CLNK: variants seen among roughly 807,000 people sequenced by gnomAD.
CLNK encodes the protein cytokine dependent hematopoietic cell linker.
A neutral mutation model predicts 68.6 loss-of-function variants in CLNK; 74 were observed. The observed-to-expected ratio is 1.08, with a 90% CI of 0.89 to 1.31. CLNK has a LOEUF of 1.31. Ranked by LOEUF, CLNK falls within the 50% of genes most tolerant of loss-of-function variation. The pLI, the probability that CLNK is intolerant of heterozygous loss-of-function variation, is 0.00. For synonymous variants in CLNK, 198 were observed against 172.2 expected (o/e 1.15, Z -1.17); for missense variants, 553 against 515.3 (o/e 1.07, Z -0.71).
chr4:10,604,326 C>A (rs919326442), intron 2 of CLNK, among the ~76,000 whole-genome samples: 3 of 152,150 alleles, frequency 2.0e-5, no homozygotes, highest in African/African-American at 4.8e-5. Flanking sequence ...AGAACTGTAG[C>A]CAAGTGATCG....
intron 8 of CLNK, among the ~76,000 whole-genome samples, chr4:10,553,754 T>C (rs1300597676): frequency 6.6e-6 from 1 of 152,202 alleles, no homozygotes; most frequent in Non-Finnish European, 1.5e-5. Context: ...GCGCTTGGCC[T>C]TCTCTTTTAT....
chr4:10,679,714 A>C (rs1391036497), intron 1 of CLNK, among the ~76,000 whole-genome samples: 2 of 152,248 alleles, frequency 1.3e-5, no homozygotes, highest in African/African-American at 2.4e-5. Flanking sequence ...AAGGATATGA[A>C]CAGACACTTC....
At chr4:10,498,356 G>A (rs1390109020) in intron 18 of CLNK, among the ~76,000 whole-genome samples, 5 of 152,246 alleles carry the variant, frequency 3.3e-5, no homozygotes, top group Middle Eastern at 6.8e-3. Flanking sequence ...GCCGGGCGTG[G>A]TGGTGGGCGC....
chr4:10,669,709 C>T (rs1724551098), intron 1 of CLNK, among the ~76,000 whole-genome samples: 1 of 152,190 alleles, frequency 6.6e-6, no homozygotes, highest in Admixed American at 6.5e-5. Context: ...GAACCAAGCT[C>T]TATGTCCTCT....
intron 2 of CLNK, among the ~76,000 whole-genome samples, chr4:10,633,471 A>C (rs544755073): frequency 4.3e-4 from 65 of 152,326 alleles, no homozygotes; most frequent in African/African-American, 1.5e-3. Flanking sequence ...CTTCATCTAC[A>C]TTCTCCCATT....
chr4:10,690,144 A>G, the CLNK span, among the ~76,000 whole-genome samples: 1 of 152,148 alleles, frequency 6.6e-6, no homozygotes, highest in Non-Finnish European at 1.5e-5. Flanking sequence ...TCAGTAAATA[A>G]ACACGGTTGG....
At chr4:10,679,987 T>C (rs907422209) in intron 1 of CLNK, among the ~76,000 whole-genome samples, 3 of 152,128 alleles carry the variant, frequency 2.0e-5, no homozygotes, top group Admixed American at 6.5e-5. Flanking sequence ...GAACTAGAAA[T>C]ACCATTTGAC....
At chr4:10,710,080 A>G in the CLNK span, among the ~76,000 whole-genome samples, 3 of 152,208 alleles carry the variant, frequency 2.0e-5, no homozygotes, top group Non-Finnish European at 2.9e-5. Flanking sequence ...TTTGATTGCA[A>G]TATTCAGATG....
chr4:10,706,055 G>A, the CLNK span, among the ~76,000 whole-genome samples: 1 of 152,206 alleles, frequency 6.6e-6, no homozygotes, highest in Non-Finnish European at 1.5e-5. Flanking sequence ...GTGGAGAAGA[G>A]GAACCAGAAA....
At chr4:10,629,466 A>C (rs1722802260) in intron 2 of CLNK, among the ~76,000 whole-genome samples, 1 of 152,184 alleles carries the variant, frequency 6.6e-6, no homozygotes, top group South Asian at 2.1e-4. Context: ...TTCACAGATG[A>C]GGCCCCCTGA....
At chr4:10,501,629 G>T (rs1023321404) in intron 17 of CLNK, among the ~76,000 whole-genome samples, 2 of 152,090 alleles carry the variant, frequency 1.3e-5, no homozygotes, top group Non-Finnish European at 2.9e-5. Context: ...CTCTCTTCTT[G>T]AAAGTCTTTC....
chr4:10,683,760 C>T (rs943862561), intron 1 of CLNK, among the ~76,000 whole-genome samples: 4 of 152,164 alleles, frequency 2.6e-5, no homozygotes, highest in Admixed American at 6.5e-5. Context: ...GCTCTACCAT[C>T]GTCTTCTTGA....
At chr4:10,516,205 T>A (rs563866816) in intron 15 of CLNK, among the ~76,000 whole-genome samples, 1 of 152,032 alleles carries the variant, frequency 6.6e-6, no homozygotes, top group Non-Finnish European at 1.5e-5. Flanking sequence ...TATATAAACA[T>A]TATGTAAGTA....
chr4:10,511,774 A>C (rs936729382), intron 16 of CLNK, among the ~76,000 whole-genome samples: 4 of 152,206 alleles, frequency 2.6e-5, no homozygotes, highest in African/African-American at 9.6e-5. Context: ...GTCAATGGAC[A>C]TATAGGTTAT....
chr4:10,617,836 T>G (rs1722295084), intron 2 of CLNK, among the ~76,000 whole-genome samples: 1 of 152,220 alleles, frequency 6.6e-6, no homozygotes, highest in Non-Finnish European at 1.5e-5. Flanking sequence ...AAAAAACAGC[T>G]TTGTTTGCTT....
intron 7 of CLNK, among the ~76,000 whole-genome samples, chr4:10,563,315 T>G (rs1481166261): frequency 2.0e-5 from 3 of 152,232 alleles, no homozygotes; most frequent in African/African-American, 4.8e-5. Context: ...GTATTGGTGA[T>G]ATTTCTAAGG....
At chr4:10,551,025 T>C (rs1162165769) in intron 8 of CLNK, among the ~76,000 whole-genome samples, 2 of 152,168 alleles carry the variant, frequency 1.3e-5, no homozygotes, top group Non-Finnish European at 2.9e-5. Context: ...AAAGAAATGA[T>C]TCGAGTGAGA....
At chr4:10,676,866 G>A (rs1261583559) in intron 1 of CLNK, among the ~76,000 whole-genome samples, 1 of 150,882 alleles carries the variant, frequency 6.6e-6, no homozygotes, top group Non-Finnish European at 1.5e-5. Context: ...TATTATTAAA[G>A]TGATTTTTAC....
intron 2 of CLNK, among the ~76,000 whole-genome samples, chr4:10,601,677 A>AG (rs1721595921): frequency 1.3e-5 from 2 of 152,180 alleles, no homozygotes; most frequent in African/African-American, 4.8e-5. Flanking sequence ...TGGCTACCCC[A>AG]CCTGGGGAGG....
Sources: allele counts gnomAD v4.1 joint callset (sites outside exome capture counted in the v4.1 genomes callset), GRCh38; gene constraint gnomAD v4.1.1; transcripts MANE v1.5; gene names NCBI Gene and HGNC (gene_info 2026-07-23, HGNC 2026-07-21).